Variants in CDH8 observed in about 807,000 individuals in gnomAD.
CDH8 encodes the protein cadherin 8.
In CDH8, 17 loss-of-function variants were observed where a neutral mutation model predicts 68.1. The ratio of observed to expected loss-of-function variants is 0.25; its 90% CI spans 0.17 to 0.37. CDH8 has a LOEUF of 0.37. CDH8 is among the 10% of genes least tolerant of loss of function. The pLI, the probability that CDH8 is intolerant of heterozygous loss-of-function variation, is 1.00. For missense variants in CDH8, 763 were observed against 999.3 expected, an observed-to-expected ratio of 0.76 and a Z score of 3.19; for synonymous variants, 372 against 365.1, an observed-to-expected ratio of 1.02 and a Z score of -0.21.
chr16:61,742,694 A>G (rs1959909095), intron 8 of CDH8, among the ~76,000 whole-genome samples: 1 of 152,114 alleles, frequency 6.6e-6, no homozygotes, highest in Admixed American at 6.5e-5. Context: ...ATGTTTTGGT[A>G]TATTAGTGAG....
rs149672011 is a variant in CDH8, at chr16:61,742,350, C to T, written c.1415-15135G>A. ...TTTATGCTTTTATTTCTTCCTCGAA[C>T]CTTATTGTATTGACTAAAACCTTCA... On this transcript the variant is annotated intron_variant, in intron 8 of 11. Transcript: ENST00000577390. 2.2e-3 allele frequency among the ~76,000 whole-genome samples: 337 copies of T among 152,038 alleles called. 1 individual carries two copies. Among genetic ancestry groups the T allele is most frequent in the Middle Eastern group, 6.8e-3 (2 of 294 alleles).
chr16:61,660,862 G>A (rs950530398), intron 10 of CDH8, among the ~76,000 whole-genome samples: 5 of 151,894 alleles, frequency 3.3e-5, no homozygotes, highest in African/African-American at 9.6e-5. Flanking sequence ...AGATATTCTC[G>A]GATGGACAAA....
intron 9 of CDH8, among the ~76,000 whole-genome samples, chr16:61,719,242 A>C (rs112182815): frequency 1.5e-4 from 22 of 151,034 alleles, no homozygotes; most frequent in African/African-American, 4.8e-4. Context: ...GAAGTAGATG[A>C]GGTTCTAATC....
intron 2 of CDH8, among the ~76,000 whole-genome samples, chr16:61,996,171 TA>T (rs1965801844): frequency 6.6e-6 from 1 of 152,168 alleles, no homozygotes; most frequent in Non-Finnish European, 1.5e-5. Context: ...ATATCTGAAC[TA>T]GAAGAGACCT....
intron 10 of CDH8, chr16:61,710,708 C>T (rs1964615649): frequency 6.6e-6 from 1 of 151,920 alleles, no homozygotes. Context: ...CATGAGGGCT[C>T]CCATTTCACC....
chr16:61,792,906 A>T (rs1162815663), intron 7 of CDH8, among the ~76,000 whole-genome samples: 1 of 151,968 alleles, frequency 6.6e-6, no homozygotes, highest in Non-Finnish European at 1.5e-5. Flanking sequence ...ATGCCTACAC[A>T]TGTACTCAAT....
At chr16:62,006,126 T>C (rs1382106234) in intron 2 of CDH8, among the ~76,000 whole-genome samples, 2 of 152,186 alleles carry the variant, frequency 1.3e-5, no homozygotes, top group Non-Finnish European at 2.9e-5. Context: ...AGACAAGGTG[T>C]CCAAAGGTCT....
At chr16:62,022,917 A>G (rs1406773585) in intron 1 of CDH8, among the ~76,000 whole-genome samples, 1 of 152,060 alleles carries the variant, frequency 6.6e-6, no homozygotes, top group Non-Finnish European at 1.5e-5. Context: ...TCTATAATTT[A>G]AAAGGGCTTA....
intron 2 of CDH8, among the ~76,000 whole-genome samples, chr16:61,995,834 A>G (rs1455329273): frequency 6.6e-6 from 1 of 152,204 alleles, no homozygotes; most frequent in Non-Finnish European, 1.5e-5. Context: ...GATGAAGGAA[A>G]AATTGCTTTC....
At chr16:62,002,789 C>G (rs1233918696) in intron 2 of CDH8, among the ~76,000 whole-genome samples, 3 of 152,178 alleles carry the variant, frequency 2.0e-5, no homozygotes, top group Non-Finnish European at 4.4e-5. Flanking sequence ...TGCGGTGGCT[C>G]ACGCCTGTAA....
Position 61,817,341 on chromosome 16 carries a change from C to CACAG in CDH8, c.1277+137_1277+138insCTGT, listed in dbSNP as rs544728188. 6.7e-4 allele frequency: 491 copies of CACAG among 736,046 alleles called. 3 individuals carry two copies. In the East Asian group the frequency reaches 0.013, roughly 20 times the overall value. The allele number at this position is 736,046 out of a possible 1,614,324, so 45.6% of individuals were successfully genotyped here. ...ACACACACACACACACACACACACA[C>CACAG]AGTATGTGCCAACCAACATTATTTG... On this transcript the variant is annotated intron_variant, in intron 7 of 11. Coordinates refer to ENST00000577390, the MANE Select transcript of CDH8 (RefSeq NM_001796.5).
intron 4 of CDH8, among the ~76,000 whole-genome samples, chr16:61,852,883 T>A (rs1490583937): frequency 7.9e-5 from 9 of 113,980 alleles, no homozygotes; most frequent in East Asian, 5.4e-4. Context: ...CCTTCCTTCC[T>A]TCCTTCCTTC....
At chr16:61,750,817 G>C (rs1960140351) in intron 8 of CDH8, among the ~76,000 whole-genome samples, 1 of 152,056 alleles carries the variant, frequency 6.6e-6, no homozygotes, top group South Asian at 2.1e-4. Context: ...TTCAAATGTT[G>C]CCTATCCAGG....
chr16:61,747,228 T>C (rs1046072682), intron 8 of CDH8, among the ~76,000 whole-genome samples: 18 of 152,216 alleles, frequency 1.2e-4, no homozygotes, highest in Non-Finnish European at 2.1e-4. Flanking sequence ...GTAAAAGATA[T>C]ATTGAGTAAA....
chr16:61,858,599 A>G (rs1963093590), intron 3 of CDH8, among the ~76,000 whole-genome samples: 1 of 152,212 alleles, frequency 6.6e-6, no homozygotes, highest in South Asian at 2.1e-4. Context: ...GTTTCCTTGG[A>G]AGTAGACTCT....
intron 8 of CDH8, among the ~76,000 whole-genome samples, chr16:61,733,082 G>C (rs986380873): frequency 6.6e-6 from 1 of 151,736 alleles, no homozygotes; most frequent in African/African-American, 2.4e-5. Flanking sequence ...CAATTTTAGG[G>C]TTTATAATGT....
intron 9 of CDH8, among the ~76,000 whole-genome samples, chr16:61,714,939 A>G (rs1964695547): frequency 6.6e-6 from 1 of 150,530 alleles, no homozygotes. Context: ...ATGTTATTAA[A>G]GAGAAAAAAA....
At chr16:61,787,260 C>T (rs888666405) in intron 8 of CDH8, among the ~76,000 whole-genome samples, 3 of 148,248 alleles carry the variant, frequency 2.0e-5, no homozygotes, top group African/African-American at 7.4e-5. Context: ...AACAAACAAC[C>T]CCATCAAAAA....
intron 10 of CDH8, among the ~76,000 whole-genome samples, chr16:61,684,129 T>C (rs1252627592): frequency 1.3e-5 from 2 of 152,024 alleles, no homozygotes; most frequent in Admixed American, 6.6e-5. Flanking sequence ...CTTACAAATA[T>C]ATGGGATTTT....
Sources: allele counts gnomAD v4.1 joint callset (sites outside exome capture counted in the v4.1 genomes callset), GRCh38; gene constraint gnomAD v4.1.1; transcripts MANE v1.5; gene names NCBI Gene and HGNC (gene_info 2026-07-23, HGNC 2026-07-21).